SH3D19: variants seen among roughly 807,000 people sequenced by gnomAD.
SH3D19 encodes SH3 domain-containing protein 19.
A neutral mutation model predicts 112.1 loss-of-function variants in SH3D19; 58 were observed. The ratio of observed to expected loss-of-function variants is 0.52; its 90% CI spans 0.42 to 0.64. SH3D19 has a LOEUF of 0.64. Ranked by LOEUF, SH3D19 falls within the 30% of genes least tolerant of loss-of-function variation. SH3D19 has a pLI of 0.00. For missense variants in SH3D19, 1,090 were observed against 1,263.4 expected, an observed-to-expected ratio of 0.86 and a Z score of 2.08; for synonymous variants, 391 against 448.5, an observed-to-expected ratio of 0.87 and a Z score of 1.62.
chr4:151,139,046 G>C (rs1024328056), intron 13 of SH3D19, among the ~76,000 whole-genome samples: 1 of 151,784 alleles, frequency 6.6e-6, no homozygotes, highest in Non-Finnish European at 1.5e-5. Flanking sequence ...GACTGGTCTG[G>C]ACTCCTGACC....
chr4:151,315,138 C>T (rs1729865925), intron 1 of SH3D19, among the ~76,000 whole-genome samples: 1 of 152,160 alleles, frequency 6.6e-6, no homozygotes, highest in South Asian at 2.1e-4. Context: ...TATTCTGTCA[C>T]TCCCTTGCTG....
At chr4:151,278,373 A>G (rs1773855207) in intron 1 of SH3D19, among the ~76,000 whole-genome samples, 1 of 151,606 alleles carries the variant, frequency 6.6e-6, no homozygotes, top group South Asian at 2.1e-4. Flanking sequence ...GGTTCAAGCA[A>G]TCCTCCCACT....
intron 1 of SH3D19, chr4:151,259,455 T>A (rs1772206710): frequency 6.6e-6 from 1 of 152,258 alleles, no homozygotes; most frequent in African/African-American, 2.4e-5. Flanking sequence ...TCCCTCCAAG[T>A]CTTCTTGCCC....
chr4:151,144,281 A>G (rs1304146175), intron 11 of SH3D19: 13 of 1,613,882 alleles, frequency 8.1e-6, no homozygotes, highest in Non-Finnish European at 1.1e-5. Flanking sequence ...TCCATGAGGC[A>G]CAGACAGCTT....
intron 1 of SH3D19, chr4:151,291,079 T>A (rs888567420): frequency 2.6e-5 from 39 of 1,490,514 alleles, no homozygotes; most frequent in Non-Finnish European, 3.5e-5. Context: ...TCTTTATGCC[T>A]CTTTTCACTA....
rs958207623 is a variant in SH3D19, at chr4:151,218,086, C to CA, written c.152+7960dup. Among the ~76,000 whole-genome samples the CA allele has an allele frequency of 2.0e-5, 3 of 152,148 alleles. No individual in the cohort carries two copies. In the South Asian group the frequency reaches 6.2e-4, roughly 32 times the overall value. On this transcript the variant is annotated intron_variant, in intron 2 of 19. Transcript: ENST00000604030. Reference sequence around the variant, plus strand: ...TCTTAAGTCACCTATGGGATAAAGGCAGATACCACATGTTTCTGTACTATT... The same window carrying CA: ...TCTTAAGTCACCTATGGGATAAAGGCAAGATACCACATGTTTCTGTACTATT...
intron 11 of SH3D19, among the ~76,000 whole-genome samples, chr4:151,145,750 C>T (rs556384521): frequency 7.9e-5 from 12 of 152,274 alleles, no homozygotes; most frequent in Non-Finnish European, 7.4e-5. Flanking sequence ...CTACGATTGG[C>T]GTAATGGTTA....
At chr4:151,263,839 T>C (rs1022907598) in intron 1 of SH3D19, among the ~76,000 whole-genome samples, 4 of 152,158 alleles carry the variant, frequency 2.6e-5, no homozygotes, top group Admixed American at 6.5e-5. Context: ...AAAGTCTCAC[T>C]CTGCGGCCCA....
At chr4:151,137,980 A>G in intron 13 of SH3D19, 118 bp from the exon 14 acceptor site, 1 of 710,810 alleles carries the variant, frequency 1.4e-6, no homozygotes, top group Non-Finnish European at 2.1e-6. Context: ...GATTCTGAGA[A>G]CAGATTATAC....
chr4:151,230,579 A>G (rs1769530842), intron 1 of SH3D19, among the ~76,000 whole-genome samples: 1 of 151,934 alleles, frequency 6.6e-6, no homozygotes, highest in South Asian at 2.1e-4. Flanking sequence ...ATGGAGTAAG[A>G]AGTGGTTTAA....
At position 151,137,840 on chromosome 4, in the gene SH3D19, G is replaced by C; in HGVS notation, c.2319C>G (p.Leu773=). ...FPAEQVDDLN[L]TSGEIVYLLE... ...GAAGATAAACAATTTCTCCAGAAGT[G>C]AGGTTCAAATCATCAACTTGCTCTG... Residue 773 remains leucine, a synonymous_variant, in exon 14 of 20, where the codon CTC becomes CTG. Coordinates refer to ENST00000604030, the MANE Select transcript of SH3D19 (RefSeq NM_001378122.1). 1 of 1,608,040 alleles carries C rather than the reference G, an allele frequency of 6.2e-7. No individual in the cohort carries two copies. The highest frequency in any genetic ancestry group is 8.5e-7 in the Non-Finnish European group (1 of 1,177,928).
chr4:151,241,405 A>G (rs1770546283), intron 1 of SH3D19, among the ~76,000 whole-genome samples: 1 of 151,986 alleles, frequency 6.6e-6, no homozygotes, highest in Non-Finnish European at 1.5e-5. Context: ...ATTTATAAAG[A>G]CAGAAAGTAT....
chr4:151,285,709 AT>A (rs1335198671), intron 1 of SH3D19, among the ~76,000 whole-genome samples: 1 of 151,992 alleles, frequency 6.6e-6, no homozygotes, highest in Non-Finnish European at 1.5e-5. Context: ...TCTACTAAAA[AT>A]TTAAAAAGTT....
rs17027509 is a variant in SH3D19 at position 151,282,410 on chromosome 4, T to G, written c.112+42831A>C. On this transcript the variant is annotated intron_variant, in intron 1 of 19. Transcript: ENST00000604030. ...CGGATGGGGAAAAGTTAAGGAAAGT[T>G]CAGGTGAGAATGGGCAGAGAGAAGG... The G allele has an allele frequency of 7.0e-3, 11,236 of 1,613,652 alleles. 623 individuals carry two copies. The African/African-American group carries it at 0.13, about 18-fold the overall frequency.
chr4:151,152,143 C>A (rs1755166835), intron 9 of SH3D19, among the ~76,000 whole-genome samples: 1 of 152,190 alleles, frequency 6.6e-6, no homozygotes, highest in Admixed American at 6.5e-5. Context: ...AAAGGCACTG[C>A]TGTATCTGAC....
chr4:151,236,782 A>G (rs1265223003), intron 1 of SH3D19, among the ~76,000 whole-genome samples: 1 of 152,216 alleles, frequency 6.6e-6, no homozygotes, highest in Non-Finnish European at 1.5e-5. Flanking sequence ...AAAGGATTGT[A>G]AATGGCCAAT....
intron 1 of SH3D19, chr4:151,226,364 A>C: frequency 7.3e-6 from 8 of 1,091,600 alleles, no homozygotes; most frequent in Non-Finnish European, 8.9e-6. Context: ...TTCCTGTGCT[A>C]AATACTTTGC....
At chr4:151,184,273 T>C (rs1761391008) in intron 3 of SH3D19, among the ~76,000 whole-genome samples, 1 of 152,300 alleles carries the variant, frequency 6.6e-6, no homozygotes, top group Admixed American at 6.5e-5. Flanking sequence ...TTGCCAGGGT[T>C]AGATGACTGA....
chr4:151,122,538 C>CAT (rs5862949), intron 19 of SH3D19, among the ~76,000 whole-genome samples: 1 of 151,378 alleles, frequency 6.6e-6, no homozygotes, highest in East Asian at 1.9e-4. Context: ...CACACACACA[C>CAT]GATTATTTAT....
Sources: gnomAD v4.1 joint callset for allele counts (sites outside exome capture counted in the v4.1 genomes callset) on GRCh38, gnomAD v4.1.1 for gene constraint, MANE v1.5 for transcripts, NCBI Gene and HGNC (gene_info 2026-07-23, HGNC 2026-07-21) for gene names.